Variants in UNC13C observed in about 807,000 individuals in gnomAD.
UNC13C encodes the protein unc-13 homolog C.
UNC13C carries 174 observed loss-of-function variants against 245.4 expected under a neutral mutation model. The observed-to-expected ratio is 0.71, with a 90% confidence interval of 0.63 to 0.80. UNC13C has a LOEUF of 0.80. Ranked by LOEUF, UNC13C falls within the 30% of genes least tolerant of loss-of-function variation. The probability of loss-of-function intolerance (pLI) is 0.00; values close to 1 mark genes in which losing one functional copy is unlikely to be tolerated. For missense variants in UNC13C, 2,829 were observed against 2,602.9 expected, an observed-to-expected ratio of 1.09 and a Z score of -1.89; for synonymous variants, 992 against 895.1, an observed-to-expected ratio of 1.11 and a Z score of -1.93.
At chr15:54,375,554 C>T (rs975756520) in intron 17 of UNC13C, among the ~76,000 whole-genome samples, 3 of 152,056 alleles carry the variant, frequency 2.0e-5, no homozygotes, top group Admixed American at 2.0e-4. Flanking sequence ...TAATTAAGGT[C>T]CTTAGTAAGT....
chr15:53,959,817 G>T, the UNC13C span, among the ~76,000 whole-genome samples: 15 of 152,148 alleles, frequency 9.9e-5, no homozygotes, highest in African/African-American at 3.6e-4. Flanking sequence ...TCATAAAGTG[G>T]ATTTCTATTT....
intron 2 of UNC13C, among the ~76,000 whole-genome samples, chr15:54,107,569 T>C (rs978258731): frequency 6.6e-6 from 1 of 152,206 alleles, no homozygotes; most frequent in African/African-American, 2.4e-5. Context: ...TTTTAAAGTT[T>C]ATGATATTAA....
chr15:54,242,182 T>A (rs1475335364), intron 7 of UNC13C, among the ~76,000 whole-genome samples: 1 of 152,176 alleles, frequency 6.6e-6, no homozygotes, highest in Non-Finnish European at 1.5e-5. Context: ...TGAGGAAGAT[T>A]TCCTTTTTTT....
intron 17 of UNC13C, among the ~76,000 whole-genome samples, chr15:54,368,455 T>A (rs1488233441): frequency 6.6e-6 from 1 of 152,016 alleles, no homozygotes; most frequent in East Asian, 1.9e-4. Context: ...GTGGTAGAAA[T>A]GCCAAGTGTT....
chr15:54,462,716 C>T (rs769338099), intron 19 of UNC13C, among the ~76,000 whole-genome samples: 5 of 152,234 alleles, frequency 3.3e-5, no homozygotes, highest in South Asian at 4.1e-4. Context: ...ACCTGCAGCC[C>T]GCCATGCCTG....
chr15:54,042,366 A>T (rs975031556), intron 2 of UNC13C, among the ~76,000 whole-genome samples: 4 of 152,338 alleles, frequency 2.6e-5, no homozygotes, highest in African/African-American at 9.6e-5. Flanking sequence ...TTCAACCGGA[A>T]CACACCTGCA....
At chr15:54,629,854 T>C (rs2141329899), downstream of UNC13C, 1 of 152,308 alleles carries the variant, frequency 6.6e-6, no homozygotes, top group Admixed American at 6.5e-5. Flanking sequence ...ACAATATATA[T>C]CAAAGCCTAA....
intron 4 of UNC13C, among the ~76,000 whole-genome samples, chr15:54,170,008 TAAACATCGC>T (rs1567064790): frequency 1.3e-5 from 1 of 78,758 alleles, no homozygotes; most frequent in Non-Finnish European, 2.8e-5. Context: ...TTTTTTTTTT[TAAACATCGC>T]TATATTCTTA....
At chr15:53,987,380 C>T (rs1367594473) in intron 1 of UNC13C, among the ~76,000 whole-genome samples, 1 of 151,960 alleles carries the variant, frequency 6.6e-6, no homozygotes. Flanking sequence ...AACACATAAT[C>T]TTGCCAGAGG....
At chr15:54,574,951 T>C (rs981386179) in intron 30 of UNC13C, among the ~76,000 whole-genome samples, 2 of 152,186 alleles carry the variant, frequency 1.3e-5, no homozygotes, top group Admixed American at 6.5e-5. Flanking sequence ...GCCTAGTATA[T>C]TGCATTAATG....
At chr15:54,128,176 G>T (rs1372590401) in intron 2 of UNC13C, among the ~76,000 whole-genome samples, 2 of 152,060 alleles carry the variant, frequency 1.3e-5, no homozygotes, top group Non-Finnish European at 2.9e-5. Context: ...TAGCCACAAA[G>T]AAAATGAAGT....
chr15:54,106,747 G>C (rs1199453745), intron 2 of UNC13C, among the ~76,000 whole-genome samples: 1 of 152,130 alleles, frequency 6.6e-6, no homozygotes, highest in Non-Finnish European at 1.5e-5. Context: ...ATATGACTCA[G>C]TTTAAAACCG....
At chr15:54,341,428 C>T (rs2038726423) in intron 17 of UNC13C, among the ~76,000 whole-genome samples, 1 of 152,034 alleles carries the variant, frequency 6.6e-6, no homozygotes, top group South Asian at 2.1e-4. Context: ...GAAACTAGGC[C>T]TACTGGCAAT....
At chr15:54,213,889 C>T (rs1488588698) in intron 4 of UNC13C, among the ~76,000 whole-genome samples, 2 of 151,896 alleles carry the variant, frequency 1.3e-5, no homozygotes, top group East Asian at 1.9e-4. Flanking sequence ...TCCAATGGCA[C>T]CAGAAGTTTA....
At chr15:53,992,768 G>C (rs909531628) in intron 1 of UNC13C, among the ~76,000 whole-genome samples, 3 of 152,048 alleles carry the variant, frequency 2.0e-5, no homozygotes, top group African/African-American at 4.8e-5. Flanking sequence ...TGACATTGGA[G>C]GTCTGTTGTC....
At chr15:53,958,534 C>T in the UNC13C span, among the ~76,000 whole-genome samples, 6 of 152,172 alleles carry the variant, frequency 3.9e-5, no homozygotes, top group East Asian at 1.9e-4. Flanking sequence ...GAGGAGGAAA[C>T]GGAGGACTTG....
At chr15:54,609,507 A>G (rs981292776) in intron 30 of UNC13C, 7 of 152,128 alleles carry the variant, frequency 4.6e-5, no homozygotes, top group African/African-American at 1.7e-4. Flanking sequence ...CTTGTCATCT[A>G]TATTTTCCTG....
At chr15:54,045,124 G>T (rs1304170198) in intron 2 of UNC13C, among the ~76,000 whole-genome samples, 2 of 151,830 alleles carry the variant, frequency 1.3e-5, no homozygotes, top group Non-Finnish European at 2.9e-5. Context: ...TGTGTTTTTG[G>T]TATCATAGCT....
intron 2 of UNC13C, chr15:54,050,705 T>C: frequency 1.8e-6 from 1 of 557,626 alleles, no homozygotes; most frequent in Admixed American, 1.9e-5. Flanking sequence ...ATCTATAGGG[T>C]AAATATCATC....
Sources: allele counts gnomAD v4.1 joint callset (sites outside exome capture counted in the v4.1 genomes callset), GRCh38; gene constraint gnomAD v4.1.1; transcripts MANE v1.5; gene names NCBI Gene and HGNC (gene_info 2026-07-23, HGNC 2026-07-21).